The following RBBP8 variants were observed in gnomAD, a reference collection of about 807,000 sequenced individuals.
RBBP8 encodes RB binding protein 8, endonuclease, also known as DNA endonuclease RBBP8.
RBBP8 carries 88 observed loss-of-function variants against 108.3 expected under a neutral mutation model. The observed-to-expected ratio is 0.81, with a 90% CI of 0.68 to 0.97. RBBP8 has a LOEUF of 0.97. Ranked by LOEUF, RBBP8 falls within the 50% of genes least tolerant of loss-of-function variation. RBBP8 has a pLI of 0.00. For missense variants in RBBP8, 1,023 were observed against 1,049.0 expected (o/e 0.98, Z 0.34); for synonymous variants, 332 against 348.2 (o/e 0.95, Z 0.52).
At chr18:23,016,238 A>T (rs2046253324) in intron 16 of RBBP8, among the ~76,000 whole-genome samples, 2 of 149,566 alleles carry the variant, frequency 1.3e-5, no homozygotes, top group African/African-American at 4.9e-5. Flanking sequence ...TAATTTTAGG[A>T]TTTTTTTTTT....
intron 6 of RBBP8, among the ~76,000 whole-genome samples, chr18:22,979,340 A>T (rs1169681294): frequency 2.6e-5 from 4 of 152,016 alleles, no homozygotes; most frequent in Non-Finnish European, 4.4e-5. Context: ...TTTAAAATTT[A>T]AAAAATTTTA....
Position 22,993,259 on chromosome 18 carries a change from C to A in RBBP8, c.1432C>A (p.Gln478Lys), listed in dbSNP as rs1449512065. The change falls in exon 11 of 19, where the codon CAG becomes AAG. Residue 478 changes from glutamine (Q) to lysine (K), a missense_variant. Transcript: ENST00000327155. ...TGCTTTCCCTTTTCCAATGGATAAT[C>A]AGTTTTCCATGAATGGAGACTGTGT... Reference protein sequence around the residue: ...ENAFPFPMDNQFSMNGDCVMD... With the variant: ...ENAFPFPMDNKFSMNGDCVMD... 1 of 1,614,204 alleles carries A rather than the reference C, an allele frequency of 6.2e-7. No individual in the cohort carries two copies. The highest frequency in any genetic ancestry group is 8.5e-7 in the Non-Finnish European group (1 of 1,180,040).
rs1915805133 is a variant in RBBP8, at chr18:22,993,043, A to G, written c.1216A>G (p.Ile406Val). The G allele has an allele frequency of 6.2e-7, 1 of 1,612,280 alleles. No homozygotes were observed. Among genetic ancestry groups the G allele is most frequent in the Non-Finnish European group, 8.5e-7 (1 of 1,178,512 alleles). ...KIIIQSSNKQILINKNISESL... is the reference protein window; with the variant it reads ...KIIIQSSNKQVLINKNISESL... ...CATTATCCAGTCATCTAATAAACAG[A>G]TACTTATAAATAAAAATATAAGTGA... Residue 406 changes from isoleucine (I) to valine (V), a missense_variant, in exon 11 of 19, where the codon ATA (isoleucine) becomes GTA (valine). Coordinates refer to ENST00000327155, the MANE Select transcript of RBBP8 (RefSeq NM_002894.3).
intron 10 of RBBP8, 129 bp from the exon 11 acceptor site, chr18:22,992,619 G>C: frequency 1.5e-6 from 1 of 688,386 alleles, no homozygotes; most frequent in Non-Finnish European, 2.4e-6. Context: ...CTTCTCTTTT[G>C]TCATCTAAAT....
In RBBP8 at chr18:22,984,996, C is replaced by G; in HGVS notation, c.709+6C>G. 6.2e-7 allele frequency: 1 copy of G among 1,610,378 alleles called. No individual in the cohort carries two copies. The highest frequency in any genetic ancestry group is 8.5e-7 in the Non-Finnish European group (1 of 1,177,536). ...AAGTCAATCTCCAATGGCCAGTAAG[C>G]AAGATACTGAGATTACTTTACAAGT... On this transcript the variant is annotated splice_donor_region_variant and intron_variant, in intron 8 of 18. Transcript: ENST00000327155.
At chr18:22,971,589 C>G (rs1337377770) in intron 5 of RBBP8, among the ~76,000 whole-genome samples, 1 of 149,322 alleles carries the variant, frequency 6.7e-6, no homozygotes, top group Non-Finnish European at 1.5e-5. Context: ...AGCATCTGTT[C>G]ATGTAGTAAG....
At chr18:22,921,890 A>G (rs1473057926) in intron 3 of RBBP8, among the ~76,000 whole-genome samples, 1 of 152,212 alleles carries the variant, frequency 6.6e-6, no homozygotes, top group Non-Finnish European at 1.5e-5. Context: ...CAAAGACTTT[A>G]TTGTTTAAGT....
exon 1 of RBBP8, chr18:22,914,298 A>T (rs746362604): frequency 1.8e-4 from 27 of 152,192 alleles, no homozygotes; most frequent in Non-Finnish European, 3.2e-4. Context: ...TTTCTAAATA[A>T]GTCGAAGGGT....
At chr18:22,985,650 C>T (rs1047858013) in intron 8 of RBBP8, among the ~76,000 whole-genome samples, 3 of 151,708 alleles carry the variant, frequency 2.0e-5, no homozygotes, top group Non-Finnish European at 4.4e-5. Flanking sequence ...GACTGGGAGC[C>T]GCAGGTGTAT....
chr18:22,939,276 G>T (rs1910849045), intron 2 of RBBP8, among the ~76,000 whole-genome samples: 1 of 152,206 alleles, frequency 6.6e-6, no homozygotes, highest in Non-Finnish European at 1.5e-5. Context: ...GGAGGCCAAG[G>T]TGGGCGGATC....
At chr18:22,929,509 TGAAGAGACAGGC>T (rs1260676073), upstream of RBBP8, 21 of 45,662 alleles carry the variant, frequency 4.6e-4, no homozygotes, top group South Asian at 1.5e-3. Context: ...TGTGTGTGTG[TGAAGAGACAGGC>T]GGGTGTGTGT....
chr18:23,008,533 T>A (rs1290205383), intron 16 of RBBP8, among the ~76,000 whole-genome samples: 1 of 152,174 alleles, frequency 6.6e-6, no homozygotes, highest in Non-Finnish European at 1.5e-5. Context: ...TCCATTGCAG[T>A]CATTATCCTT....
intron 16 of RBBP8, among the ~76,000 whole-genome samples, chr18:23,015,546 G>A (rs2046240836): frequency 6.7e-6 from 1 of 148,502 alleles, no homozygotes; most frequent in African/African-American, 2.6e-5. Flanking sequence ...CCATTGTCCT[G>A]AAACATTTCC....
intron 1 of RBBP8, among the ~76,000 whole-genome samples, chr18:22,934,934 A>G (rs1459567980): frequency 4.0e-5 from 6 of 149,794 alleles, no homozygotes. Context: ...GGTTAGGTAG[A>G]ATATAAATAT....
intron 14 of RBBP8, among the ~76,000 whole-genome samples, chr18:22,998,689 A>G (rs1249997959): frequency 2.6e-5 from 4 of 152,208 alleles, no homozygotes; most frequent in African/African-American, 7.2e-5. Flanking sequence ...TCTATAGTCT[A>G]CCTGCTCAGA....
In RBBP8 at chr18:22,992,804, C is replaced by T; in HGVS notation, c.977C>T (p.Ser326Leu). Residue 326 changes from serine (S) to leucine (L), a missense_variant, in exon 11 of 19, where the codon TCA becomes TTA. Transcript: ENST00000327155. ...PPQEELPTRV[S>L]SPVFGATSSI... ...CAAGAAGAATTACCTACTCGAGTGT[C>T]ATCTCCTGTATTTGGAGCTACCTCT... The T allele has an allele frequency of 6.2e-7, 1 of 1,606,344 alleles. No individual in the cohort carries two copies. The highest frequency in any genetic ancestry group is 8.5e-7 in the Non-Finnish European group (1 of 1,173,174).
chr18:22,966,369 C>G (rs576496812), intron 4 of RBBP8, among the ~76,000 whole-genome samples: 3 of 152,210 alleles, frequency 2.0e-5, no homozygotes, highest in Admixed American at 1.3e-4. Flanking sequence ...TCTATTAATG[C>G]TACATATGAC....
At chr18:22,968,167 G>A (rs1420413761) in intron 4 of RBBP8, among the ~76,000 whole-genome samples, 2 of 151,574 alleles carry the variant, frequency 1.3e-5, no homozygotes, top group African/African-American at 4.9e-5. Context: ...CCACCTCCCG[G>A]GTTCAAGCGA....
chr18:22,935,233 ATTG>A (rs1910440244), intron 1 of RBBP8, among the ~76,000 whole-genome samples: 2 of 151,192 alleles, frequency 1.3e-5, no homozygotes, highest in Non-Finnish European at 2.9e-5. Context: ...AGCTTCAGAA[ATTG>A]TTGAAGTTCA....
Sources: allele counts gnomAD v4.1 joint callset (sites outside exome capture counted in the v4.1 genomes callset), GRCh38; gene constraint gnomAD v4.1.1; transcripts MANE v1.5; gene names NCBI Gene and HGNC (gene_info 2026-07-23, HGNC 2026-07-21).